CDC25A: variants seen among roughly 807,000 people sequenced by gnomAD.
The protein encoded by CDC25A is M-phase inducer phosphatase 1.
CDC25A carries 17 observed loss-of-function variants against 64.6 expected under a neutral mutation model. The ratio of observed to expected loss-of-function variants is 0.26; its 90% CI spans 0.18 to 0.39. The LOEUF is 0.39. CDC25A is among the 10% of genes least tolerant of loss of function. CDC25A has a pLI of 1.00. For missense variants in CDC25A, 473 were observed against 654.8 expected (o/e 0.72, Z 3.03); for synonymous variants, 229 against 238.6 (o/e 0.96, Z 0.37).
intron 9 of CDC25A, among the ~76,000 whole-genome samples, chr3:48,172,658 G>T (rs576297016): frequency 6.6e-6 from 1 of 152,318 alleles, no homozygotes; most frequent in South Asian, 2.1e-4. Flanking sequence ...GAGCCCAGGA[G>T]TTTGAGACCA....
chr3:48,187,829 G>A lies in CDC25A; in HGVS notation c.119C>T (p.Ser40Leu). The A allele has an allele frequency of 6.5e-7, 1 of 1,548,952 alleles. No individual in the cohort carries two copies. Among genetic ancestry groups the A allele is most frequent in the East Asian group, 2.5e-5 (1 of 40,508 alleles). ...AGTGACGGTCAGGTTGGTGACAGGC[G>A]ACAGTCCCCCGGCGGCTGAAGCGCC... is the stretch of plus-strand genomic sequence containing the variant. The part of the protein sequence containing the change: ...LFGASAAGGL[S>L]PVTNLTVTMD... Residue 40 changes from serine to leucine, a missense_variant, in exon 1 of 15, where the codon TCG (serine) becomes TTG (leucine). Coordinates refer to ENST00000302506, the MANE Select transcript of CDC25A (RefSeq NM_001789.3).
rs950026787 is a variant in CDC25A at position 48,187,688 on chromosome 3, C to T, written c.170+90G>A. On this transcript the variant is annotated intron_variant, in intron 1 of 14. Coordinates refer to ENST00000302506, the MANE Select transcript of CDC25A (RefSeq NM_001789.3). ...GGCGAACCCGGACGGACGGGTCTCGCCCTTCTCCCGGTCCGTTTCCTGGCC... is the reference window on the plus strand; with the variant it reads ...GGCGAACCCGGACGGACGGGTCTCGTCCTTCTCCCGGTCCGTTTCCTGGCC... 16 of 1,302,906 alleles carry T rather than the reference C, an allele frequency of 1.2e-5. 1 individual carries two copies. In the East Asian group the frequency reaches 4.5e-4, roughly 37 times the overall value. 80.7% of individuals were successfully genotyped at this position (1,302,906 alleles called of 1,614,324 possible).
chr3:48,163,466 T>C (rs564966485), intron 13 of CDC25A, among the ~76,000 whole-genome samples: 59 of 151,592 alleles, frequency 3.9e-4, no homozygotes, highest in African/African-American at 1.1e-3. Context: ...TAGCCGGGCG[T>C]GATGGCGCAT....
At chr3:48,166,087 C>T (rs974685420) in intron 10 of CDC25A, among the ~76,000 whole-genome samples, 194 bp from the exon 11 acceptor site, 2 of 152,150 alleles carry the variant, frequency 1.3e-5, no homozygotes, top group African/African-American at 4.8e-5. Flanking sequence ...GAGTTCGAGA[C>T]AAGCCTGGCC....
In CDC25A at chr3:48,168,360, CCACACA is replaced by C. The variant is rs58104019; in HGVS notation, c.931-422_931-417del. 7.0e-3 allele frequency among the ~76,000 whole-genome samples: 748 copies of C among 106,588 alleles called. 6 individuals carry two copies. The highest frequency in any genetic ancestry group is 0.017 in the African/African-American group (434 of 26,100). The allele number at this position is 106,588 out of a possible 152,430, so 69.9% of individuals were successfully genotyped here. A position where few individuals can be genotyped will look rare whatever the true frequency, so the allele number is the denominator to read the frequency against. The stretch of plus-strand genomic sequence containing the variant: ...ACCAGATCAAAGAGCAAGACCCTGT[CCACACA>C]CACACACACACACACACACACACAC... On this transcript the variant is annotated intron_variant, in intron 9 of 14. Transcript: ENST00000302506.
In CDC25A at chr3:48,187,839, C is replaced by A. The variant is rs1017557847; in HGVS notation, c.109G>T (p.Gly37Trp). The change falls in exon 1 of 15, where the codon GGG becomes TGG. Residue 37 changes from glycine (G) to tryptophan (W), a missense_variant. By Grantham distance (184) the Gly-to-Trp change is radical (BLOSUM62 -2). This residue lies in a region of CDC25A where 376 missense variants were observed against 431.9 expected (regional missense o/e 0.87). Coordinates refer to ENST00000302506, the MANE Select transcript of CDC25A (RefSeq NM_001789.3). The stretch of plus-strand genomic sequence containing the variant: ...AGGTTGGTGACAGGCGACAGTCCCC[C>A]GGCGGCTGAAGCGCCAAATAGCGCC... ...VKALFGASAA[G>W]GLSPVTNLTV... 8 of 1,549,124 alleles carry A rather than the reference C, an allele frequency of 5.2e-6. No individual in the cohort carries two copies. Among genetic ancestry groups the A allele is most frequent in the East Asian group, 4.9e-5 (2 of 40,572 alleles).
At chr3:48,185,859 T>C (rs1160263435) in intron 2 of CDC25A, among the ~76,000 whole-genome samples, 2 of 152,226 alleles carry the variant, frequency 1.3e-5, no homozygotes, top group African/African-American at 4.8e-5. Flanking sequence ...ACCACACTGC[T>C]ACAAGTGATA....
chr3:48,176,531 G>GTATATATATA (rs55938075), intron 8 of CDC25A, among the ~76,000 whole-genome samples: 433 of 138,072 alleles, frequency 3.1e-3, no homozygotes, highest in Non-Finnish European at 3.8e-3. Context: ...GTGTGTGTGA[G>GTATATATATA]TATATATATA....
chr3:48,173,175 G>A (rs1276593257), intron 9 of CDC25A, among the ~76,000 whole-genome samples: 8 of 142,406 alleles, frequency 5.6e-5, no homozygotes, highest in Non-Finnish European at 9.0e-5. Context: ...CTGAGATCGC[G>A]CCACTGCACT....
intron 9 of CDC25A, among the ~76,000 whole-genome samples, chr3:48,168,803 C>T (rs1460534274): frequency 6.6e-6 from 1 of 151,752 alleles, no homozygotes; most frequent in Non-Finnish European, 1.5e-5. Context: ...TAGGTGTGCG[C>T]CACCACGCCC....
chr3:48,164,294 G>T lies in CDC25A; in HGVS notation c.1322+13C>A. 1 of 1,554,456 alleles carries T rather than the reference G, an allele frequency of 6.4e-7. No homozygotes were observed. Among genetic ancestry groups the T allele is most frequent in the Non-Finnish European group, 8.7e-7 (1 of 1,154,674 alleles). On this transcript the variant is annotated intron_variant, in intron 13 of 14. Transcript: ENST00000302506. ...AGCCTGTGCCCCAGAACCCAGTTCC[G>T]TGCAGCACTCACATGCGGGGACCTC... is the stretch of plus-strand genomic sequence containing the variant.
chr3:48,177,257 C>G (rs992921552), intron 8 of CDC25A, 114 bp downstream of exon 8: 1 of 811,700 alleles, frequency 1.2e-6, no homozygotes, highest in Non-Finnish European at 2.1e-6. Context: ...GCCTAAAACC[C>G]AGATCCCCAA....
At chr3:48,184,779 T>TGG (rs1193579045) in intron 2 of CDC25A, 84 bp from the exon 3 acceptor site, 1 of 966,522 alleles carries the variant, frequency 1.0e-6, no homozygotes, top group Admixed American at 2.8e-5. Flanking sequence ...ACAAAGTACC[T>TGG]GGGTCTTTAT....
rs1434843977 is a variant in CDC25A at position 48,187,934 on chromosome 3, G to A, written c.14C>T (p.Pro5Leu). 1.3e-6 allele frequency: 2 copies of A among 1,519,868 alleles called. No individual in the cohort carries two copies. Among genetic ancestry groups the A allele is most frequent in the African/African-American group, 1.4e-5 (1 of 70,474 alleles). The allele number at this position is 1,519,868 out of a possible 1,614,324, so 94.1% of individuals were successfully genotyped here. A position where few individuals can be genotyped will look rare whatever the true frequency, so the allele number is the denominator to read the frequency against. Residue 5 changes from proline to leucine, a missense_variant, in exon 1 of 15, where the codon CCG (proline) becomes CTG (leucine). By Grantham distance (98) the Pro-to-Leu change is moderately conservative. This residue lies in a region of CDC25A where 376 missense variants were observed against 431.9 expected (regional missense o/e 0.87). Transcript: ENST00000302506. ...CAGGCGGCGGCGGTGCGGGGGCTCC[G>A]GGCCCAGTTCCATGGCGGCGCCCGG... Reference protein sequence around the residue: MELGPEPPHRRRLLF... With the variant: MELGLEPPHRRRLLF...
chr3:48,178,948 T>C (rs1281508218), intron 6 of CDC25A, among the ~76,000 whole-genome samples: 3 of 152,148 alleles, frequency 2.0e-5, no homozygotes, highest in Non-Finnish European at 2.9e-5. Context: ...AGTAGCAGGG[T>C]AGTCCCAATG....
At chr3:48,180,390 A>G (rs1037694368) in intron 6 of CDC25A, 2 of 144,798 alleles carry the variant, frequency 1.4e-5, no homozygotes, top group Non-Finnish European at 3.0e-5. Context: ...GAAAGCCCTT[A>G]AAAAAAAAAA....
Position 48,177,483 on chromosome 3 carries a change from A to C in CDC25A, c.685-41T>G, listed in dbSNP as rs199710455. 1.5e-5 allele frequency: 22 copies of C among 1,481,650 alleles called. No individual in the cohort carries two copies. In the East Asian group the frequency reaches 5.0e-4, roughly 33 times the overall value. 91.8% of individuals were successfully genotyped at this position (1,481,650 alleles called of 1,614,324 possible). A position where few individuals can be genotyped will look rare whatever the true frequency, so the allele number is the denominator to read the frequency against. On this transcript the variant is annotated intron_variant, in intron 7 of 14. Transcript: ENST00000302506. Reference sequence around the variant, plus strand: ...AACTGATTTTAAAAAGAGCCTGTAGAGACTAACATTTGTTTAAGTGCTTTA... The same window carrying C: ...AACTGATTTTAAAAAGAGCCTGTAGCGACTAACATTTGTTTAAGTGCTTTA...
At chr3:48,178,171 A>C (rs1187435851) in intron 6 of CDC25A, among the ~76,000 whole-genome samples, 183 bp from the exon 7 acceptor site, 1 of 152,190 alleles carries the variant, frequency 6.6e-6, no homozygotes, top group Non-Finnish European at 1.5e-5. Flanking sequence ...ATGACCACAC[A>C]CAGCCCTGAG....
rs77746458 is a variant in CDC25A, at chr3:48,164,293, C to T, written c.1322+14G>A. 4.0e-5 allele frequency: 61 copies of T among 1,542,232 alleles called. No individual in the cohort carries two copies. The highest frequency in any genetic ancestry group is 7.3e-5 in the East Asian group (3 of 41,278). On this transcript the variant is annotated intron_variant, in intron 13 of 14. Coordinates refer to ENST00000302506, the MANE Select transcript of CDC25A (RefSeq NM_001789.3). ...GAGCCTGTGCCCCAGAACCCAGTTCCGTGCAGCACTCACATGCGGGGACCT... is the reference window on the plus strand; with the variant it reads ...GAGCCTGTGCCCCAGAACCCAGTTCTGTGCAGCACTCACATGCGGGGACCT...
Sources: gnomAD v4.1 joint callset for allele counts (sites outside exome capture counted in the v4.1 genomes callset) on GRCh38, gnomAD v4.1.1 for gene constraint, gnomAD v4.1.1 regional missense constraint, MANE v1.5 for transcripts, NCBI Gene and HGNC (gene_info 2026-07-23, HGNC 2026-07-21) for gene names.